Variants in HYDIN observed in about 807,000 individuals in gnomAD.
HYDIN encodes the protein HYDIN axonemal central pair apparatus protein.
A neutral mutation model predicts 403.9 loss-of-function variants in HYDIN; 132 were observed. The ratio of observed to expected loss-of-function variants is 0.33; its 90% confidence interval spans 0.28 to 0.38. The LOEUF is 0.38. Among genes scored for constraint, HYDIN ranks in the 10% least tolerant of loss-of-function variants. The pLI, the probability that HYDIN is intolerant of heterozygous loss-of-function variation, is 1.00. For missense variants in HYDIN, 2,827 were observed against 5,009.5 expected, an observed-to-expected ratio of 0.56 and a Z score of 13.15; for synonymous variants, 1,202 against 1,891.7, an observed-to-expected ratio of 0.64 and a Z score of 9.46.
intron 47 of HYDIN, among the ~76,000 whole-genome samples, chr16:70,916,786 ATTC>A (rs1299336918): frequency 2.0e-5 from 3 of 152,058 alleles, no homozygotes; most frequent in African/African-American, 7.2e-5. Context: ...CATAGTCTGA[ATTC>A]TTCTGAGCAT....
intron 1 of HYDIN, among the ~76,000 whole-genome samples, chr16:71,211,846 G>A (rs1416789820): frequency 6.6e-6 from 1 of 151,962 alleles, no homozygotes; most frequent in East Asian, 1.9e-4. Flanking sequence ...TTCACATAGG[G>A]GAATTATTAG....
chr16:70,992,984 C>T (rs1391049626), intron 23 of HYDIN, among the ~76,000 whole-genome samples: 2 of 152,220 alleles, frequency 1.3e-5, no homozygotes, highest in Non-Finnish European at 2.9e-5. Context: ...CAACCTATCT[C>T]AAGCCCTTGA....
In HYDIN at chr16:70,862,064, T is replaced by C. The variant is rs763152789; in HGVS notation, c.11761A>G (p.Ser3921Gly). 1.5e-5 allele frequency: 24 copies of C among 1,592,060 alleles called. No homozygotes were observed. The highest frequency in any genetic ancestry group is 1.1e-4 in the Admixed American group (6 of 57,072). ...TTTTCTTACTGGCAGAAAAGGTTGC[T>C]CTCGAAGTCTCCAATGTCCAACGGG... ...FSPLDIGDFE[S>G]NLFCQIPNLP... The change falls in exon 69 of 86, where the codon AGC (serine) becomes GGC (glycine). Residue 3921 changes from serine (S) to glycine (G), a missense_variant. Transcript: ENST00000393567.
chr16:71,080,831 G>A (rs1035998709), intron 12 of HYDIN: 1 of 149,020 alleles, frequency 6.7e-6, no homozygotes, highest in East Asian at 2.0e-4. Flanking sequence ...GTAATCACAA[G>A]GGTGATTTTA....
intron 5 of HYDIN, among the ~76,000 whole-genome samples, chr16:71,175,267 A>G (rs2086624859): frequency 6.6e-6 from 1 of 151,876 alleles, no homozygotes; most frequent in African/African-American, 2.4e-5. Context: ...ACACACCAGC[A>G]CCATCACCCA....
rs753081816 is a variant in HYDIN at position 70,894,500 on chromosome 16, G to A, written c.9197C>T (p.Ala3066Val). 1.2e-5 allele frequency: 19 copies of A among 1,601,894 alleles called. No homozygotes were observed. Among genetic ancestry groups the A allele is most frequent in the South Asian group, 3.4e-5 (3 of 89,262 alleles). The change falls in exon 55 of 86, where the codon GCG (alanine) becomes GTG (valine). Residue 3066 changes from alanine (A) to valine (V), a missense_variant. Coordinates refer to ENST00000393567, the MANE Select transcript of HYDIN (RefSeq NM_001270974.2). The part of the protein sequence containing the change: ...DFGIVRVTEE[A>V]KQPLQLKNRG... ...GTTCTTCAATTGCAGGGGCTGCTTC[G>A]CCTCCTCTGTGACCCTGACAATCCC...
intron 41 of HYDIN, among the ~76,000 whole-genome samples, chr16:70,950,569 A>G (rs1032455539): frequency 3.3e-5 from 5 of 151,066 alleles, no homozygotes; most frequent in Non-Finnish European, 7.4e-5. Context: ...AAGGACCTAC[A>G]TCTTTATTCC....
intron 83 of HYDIN, among the ~76,000 whole-genome samples, chr16:70,824,455 A>T (rs978174193): frequency 1.5e-4 from 23 of 149,876 alleles, no homozygotes; most frequent in African/African-American, 5.6e-4. Flanking sequence ...TTGTCTTTCA[A>T]CAGTTGTTTA....
At chr16:71,032,307 GTT>G (rs11406376) in intron 18 of HYDIN, among the ~76,000 whole-genome samples, 2 of 126,432 alleles carry the variant, frequency 1.6e-5, no homozygotes, top group Admixed American at 7.9e-5. Context: ...TTTCCTTTTT[GTT>G]TTTTTTTTTT....
intron 3 of HYDIN, among the ~76,000 whole-genome samples, chr16:71,180,513 T>C (rs1357440890): frequency 6.6e-6 from 1 of 151,994 alleles, no homozygotes; most frequent in East Asian, 1.9e-4. Context: ...CCCAACTCAG[T>C]CTATAACGTT....
intron 10 of HYDIN, among the ~76,000 whole-genome samples, chr16:71,107,180 G>C (rs1191046442): frequency 6.6e-6 from 1 of 151,470 alleles, no homozygotes; most frequent in Non-Finnish European, 1.5e-5. Context: ...GAAAGCATTA[G>C]GAGATATACC....
rs1297240613 is a variant in HYDIN at position 70,886,821 on chromosome 16, T to C, written c.9775-2697A>G. Among the ~76,000 whole-genome samples, 3 of 152,342 alleles carry C rather than the reference T, an allele frequency of 2.0e-5. No individual in the cohort carries two copies. The East Asian group carries it at 5.8e-4, about 29-fold the overall frequency. ...TTCTCTCTTGATGTGTTCAAGATTT[T>C]TTTTTCTTTTCTTTAATTTTCAGAA... is the stretch of plus-strand genomic sequence containing the variant. On this transcript the variant is annotated intron_variant, in intron 58 of 85. Coordinates refer to ENST00000393567, the MANE Select transcript of HYDIN (RefSeq NM_001270974.2).
rs192445253 is a variant in HYDIN, at chr16:71,067,035, T to G, written c.2075+255A>C. 9.4e-5 allele frequency: 61 copies of G among 646,192 alleles called. 1 individual carries two copies. The African/African-American group carries it at 9.9e-4, about 11-fold the overall frequency. 40.0% of individuals were successfully genotyped at this position (646,192 alleles called of 1,614,324 possible). On this transcript the variant is annotated intron_variant, in intron 15 of 85. Transcript: ENST00000393567. ...AAAGTCAAACCCGTTAGAGAGGGTCTGACCCGTTTTTTCACTATTCTTAGG... is the reference window on the plus strand; with the variant it reads ...AAAGTCAAACCCGTTAGAGAGGGTCGGACCCGTTTTTTCACTATTCTTAGG...
chr16:70,896,624 G>A lies in HYDIN; in HGVS notation c.9049-544C>T, dbSNP rs369320884. The stretch of plus-strand genomic sequence containing the variant: ...TCCCGTCTCAGCCTCCAAAAGTGTT[G>A]GGGTTATAGATGTGAGCCATCATGC... On this transcript the variant is annotated intron_variant, in intron 53 of 85. Coordinates refer to ENST00000393567, the MANE Select transcript of HYDIN (RefSeq NM_001270974.2). Among the ~76,000 whole-genome samples, 13 of 149,856 alleles carry A rather than the reference G, an allele frequency of 8.7e-5. 2 individuals are homozygous for A. Among genetic ancestry groups the A allele is most frequent in the Admixed American group, 2.6e-4 (4 of 15,108 alleles).
intron 19 of HYDIN, among the ~76,000 whole-genome samples, chr16:71,028,652 A>G (rs1181610840): frequency 6.6e-6 from 1 of 151,324 alleles, no homozygotes; most frequent in African/African-American, 2.4e-5. Flanking sequence ...TTTAAATTTT[A>G]CTAGGCTTTG....
At chr16:71,150,736 C>CTTA (rs1487369181) in intron 7 of HYDIN, among the ~76,000 whole-genome samples, 1 of 152,050 alleles carries the variant, frequency 6.6e-6, no homozygotes, top group Non-Finnish European at 1.5e-5. Context: ...AAACTCGCTG[C>CTTA]TTATTAAGAA....
intron 1 of HYDIN, among the ~76,000 whole-genome samples, chr16:71,211,798 T>C (rs1034044883): frequency 3.3e-5 from 5 of 151,982 alleles, no homozygotes; most frequent in African/African-American, 7.3e-5. Context: ...GAGCAAAAAT[T>C]TGCAGAAACT....
chr16:70,908,936 T>C, intron 47 of HYDIN, 75 bp from the exon 48 acceptor site: 4 of 1,571,454 alleles, frequency 2.5e-6, no homozygotes, highest in East Asian at 2.2e-5. Flanking sequence ...GATGGCCACA[T>C]GTCTGTCATC....
chr16:70,942,876 C>T (rs9932113), intron 42 of HYDIN, among the ~76,000 whole-genome samples: 3,709 of 152,258 alleles, frequency 0.024, 129 homozygotes, highest in African/African-American at 0.084. Context: ...CAGTGTTTCT[C>T]AGCCTTTACT....
Sources: allele counts gnomAD v4.1 joint callset (sites outside exome capture counted in the v4.1 genomes callset), GRCh38; gene constraint gnomAD v4.1.1; transcripts MANE v1.5; gene names NCBI Gene and HGNC (gene_info 2026-07-23, HGNC 2026-07-21).